The following PCDH9 variants were observed in gnomAD, a reference collection of about 807,000 sequenced individuals.
PCDH9 encodes the protein protocadherin-9.
A neutral mutation model predicts 70.6 loss-of-function variants in PCDH9; 24 were observed. The ratio of observed to expected loss-of-function variants is 0.34; its 90% confidence interval spans 0.25 to 0.48. The LOEUF (loss-of-function observed/expected upper bound fraction) is 0.48. PCDH9 is among the 20% of genes least tolerant of loss of function. The pLI, the probability that PCDH9 is intolerant of heterozygous loss-of-function variation, is 0.99. For missense variants in PCDH9, 1,281 were observed against 1,503.6 expected, an observed-to-expected ratio of 0.85 and a Z score of 2.45; for synonymous variants, 562 against 558.5, an observed-to-expected ratio of 1.01 and a Z score of -0.09.
At chr13:67,059,726 C>T (rs1026807826) in intron 2 of PCDH9, among the ~76,000 whole-genome samples, 28 of 151,946 alleles carry the variant, frequency 1.8e-4, no homozygotes, top group African/African-American at 6.7e-4. Context: ...GCATTTATTT[C>T]TGTTGTGACA....
chr13:67,173,492 G>T (rs911728742), intron 2 of PCDH9, among the ~76,000 whole-genome samples: 1 of 152,012 alleles, frequency 6.6e-6, no homozygotes, highest in Non-Finnish European at 1.5e-5. Context: ...TCAGTACTTA[G>T]CTCCATTTTC....
At chr13:66,330,636 C>T (rs149403766) in intron 4 of PCDH9, among the ~76,000 whole-genome samples, 2 of 143,926 alleles carry the variant, frequency 1.4e-5, no homozygotes, top group African/African-American at 2.6e-5. Context: ...GGACAAACTT[C>T]CAGAAAAAAA....
At chr13:66,915,381 C>G (rs2082540676) in intron 2 of PCDH9, among the ~76,000 whole-genome samples, 1 of 151,342 alleles carries the variant, frequency 6.6e-6, no homozygotes, top group South Asian at 2.1e-4. Context: ...TCTAACAAGT[C>G]CAAGTGAACT....
chr13:66,554,200 A>G (rs1484958034), intron 4 of PCDH9, among the ~76,000 whole-genome samples: 1 of 152,104 alleles, frequency 6.6e-6, no homozygotes, highest in East Asian at 1.9e-4. Flanking sequence ...TTTTCTAACC[A>G]TCTAAAAAAA....
intron 4 of PCDH9, among the ~76,000 whole-genome samples, chr13:66,532,519 C>G (rs972993656): frequency 6.6e-6 from 1 of 151,994 alleles, no homozygotes; most frequent in Non-Finnish European, 1.5e-5. Context: ...ATTTTATTGT[C>G]AAAATACATA....
chr13:66,675,729 C>T (rs1482873883), intron 3 of PCDH9, among the ~76,000 whole-genome samples: 1 of 151,980 alleles, frequency 6.6e-6, no homozygotes, highest in Non-Finnish European at 1.5e-5. Context: ...GGCACTTAGC[C>T]AATATTACTT....
chr13:66,771,297 G>A (rs1302832960), intron 3 of PCDH9, among the ~76,000 whole-genome samples: 6 of 152,068 alleles, frequency 3.9e-5, no homozygotes, highest in Admixed American at 2.0e-4. Context: ...AGATCTATAG[G>A]AGAATATGTT....
At chr13:67,014,815 A>C (rs1232296646) in intron 2 of PCDH9, among the ~76,000 whole-genome samples, 1 of 152,046 alleles carries the variant, frequency 6.6e-6, no homozygotes, top group Non-Finnish European at 1.5e-5. Context: ...TAAATAACTT[A>C]AAATATCCTC....
chr13:67,160,908 C>G (rs1208839192), intron 2 of PCDH9, among the ~76,000 whole-genome samples: 1 of 152,184 alleles, frequency 6.6e-6, no homozygotes, highest in Non-Finnish European at 1.5e-5. Flanking sequence ...AGTCAAACAA[C>G]TTTCCTGGTC....
At chr13:66,875,039 T>C (rs951316111) in intron 3 of PCDH9, among the ~76,000 whole-genome samples, 2 of 151,390 alleles carry the variant, frequency 1.3e-5, no homozygotes, top group Admixed American at 6.6e-5. Flanking sequence ...TTTAGGGGAA[T>C]TGACACTTCA....
intron 2 of PCDH9, among the ~76,000 whole-genome samples, chr13:67,176,944 G>T (rs999281039): frequency 9.2e-5 from 14 of 152,034 alleles, no homozygotes; most frequent in Admixed American, 5.2e-4. Context: ...TACAACAGTT[G>T]AGTTGCCTTC....
At chr13:67,018,112 T>C (rs2084598607) in intron 2 of PCDH9, among the ~76,000 whole-genome samples, 1 of 152,200 alleles carries the variant, frequency 6.6e-6, no homozygotes, top group South Asian at 2.1e-4. Context: ...TCTTGGACAC[T>C]ATCTTGTAAT....
At chr13:66,701,811 C>T (rs1373307452) in intron 3 of PCDH9, among the ~76,000 whole-genome samples, 1 of 152,064 alleles carries the variant, frequency 6.6e-6, no homozygotes, top group Non-Finnish European at 1.5e-5. Context: ...CAAAAAAATT[C>T]ATTTAATGCT....
intron 4 of PCDH9, among the ~76,000 whole-genome samples, chr13:66,422,468 G>A (rs1451430780): frequency 6.6e-6 from 1 of 152,152 alleles, no homozygotes; most frequent in Non-Finnish European, 1.5e-5. Context: ...TCAGACCACA[G>A]TGCAATCAAA....
chr13:67,227,828 T>A lies in PCDH9; in HGVS notation c.613A>T (p.Ile205Phe). The A allele has an allele frequency of 6.2e-7, 1 of 1,614,122 alleles. No homozygotes were observed. The highest frequency in any genetic ancestry group is 8.5e-7 in the Non-Finnish European group (1 of 1,179,978). The change falls in exon 2 of 5, where the codon ATT becomes TTT. Residue 205 changes from isoleucine to phenylalanine, a missense_variant. By Grantham distance (21) the Ile-to-Phe change is conservative. Coordinates refer to ENST00000377865, the MANE Select transcript of PCDH9 (RefSeq NM_203487.3). The surrounding 1 kb of genome is among the most constrained non-coding windows in gnomAD (Gnocchi z 4.6). Reference sequence around the variant, plus strand: ...TCTCTATCCAAGTTTTGCTGAACAATCAGTTGTGGCCACTTCTCTCCCTCT... The same window carrying A: ...TCTCTATCCAAGTTTTGCTGAACAAACAGTTGTGGCCACTTCTCTCCCTCT... ...TPEGEKWPQL[I>F]VQQNLDREQK...
chr13:66,808,131 T>A (rs2080440369), intron 3 of PCDH9, among the ~76,000 whole-genome samples: 1 of 152,160 alleles, frequency 6.6e-6, no homozygotes, highest in Non-Finnish European at 1.5e-5. Context: ...CATTACTATC[T>A]AATAACAAAA....
chr13:66,492,154 A>T (rs886525449), intron 4 of PCDH9, among the ~76,000 whole-genome samples: 2 of 152,114 alleles, frequency 1.3e-5, no homozygotes, highest in Non-Finnish European at 2.9e-5. Flanking sequence ...TTCTGTTGTG[A>T]TACTACTTTT....
intron 4 of PCDH9, among the ~76,000 whole-genome samples, chr13:66,333,529 G>GA (rs1426039187): frequency 6.6e-6 from 1 of 152,102 alleles, no homozygotes; most frequent in Non-Finnish European, 1.5e-5. Flanking sequence ...AATTACTTTA[G>GA]ATAGAAATTT....
intron 2 of PCDH9, among the ~76,000 whole-genome samples, chr13:67,046,610 A>T (rs1247604580): frequency 1.3e-5 from 2 of 152,080 alleles, no homozygotes; most frequent in African/African-American, 2.4e-5. Flanking sequence ...ACTATGAACA[A>T]TCTATTGAGG....
Sources: allele counts gnomAD v4.1 joint callset (sites outside exome capture counted in the v4.1 genomes callset), GRCh38; gene constraint gnomAD v4.1.1; non-coding constraint Gnocchi (gnomAD v3.1); transcripts MANE v1.5; gene names NCBI Gene and HGNC (gene_info 2026-07-23, HGNC 2026-07-21).